EZH2: variants seen among roughly 807,000 people sequenced by gnomAD.
EZH2 encodes enhancer of zeste 2 polycomb repressive complex 2 subunit.
EZH2 carries 18 observed loss-of-function variants against 98.4 expected under a neutral mutation model. That is an observed-to-expected ratio of 0.18 (90% confidence interval 0.13 to 0.27). The LOEUF (loss-of-function observed/expected upper bound fraction) is 0.27, where lower values mean the gene tolerates loss of function less well. EZH2 is among the 10% of genes least tolerant of loss of function. EZH2 has a pLI of 1.00. For synonymous variants in EZH2, 338 were observed against 312.3 expected, an observed-to-expected ratio of 1.08 and a Z score of -0.87; for missense variants, 470 against 935.1, an observed-to-expected ratio of 0.50 and a Z score of 6.49.
At position 148,831,917 on chromosome 7, in the gene EZH2, CTA is replaced by C. The variant is rs1310547842; in HGVS notation, c.363+715_363+716del. On this transcript the variant is annotated intron_variant, in intron 4 of 19. Coordinates refer to ENST00000320356, the MANE Select transcript of EZH2 (RefSeq NM_004456.5). Reference sequence around the variant, plus strand: ...TGCTGCGTCAGAGTTAGCAATGGAACTATGTTTCAGCTCATGTTTCACAAGCC... The same window carrying C: ...TGCTGCGTCAGAGTTAGCAATGGAACTGTTTCAGCTCATGTTTCACAAGCC... Among the ~76,000 whole-genome samples, 13 of 152,184 alleles carry C rather than the reference CTA, an allele frequency of 8.5e-5. No individual in the cohort carries two copies. In the East Asian group the frequency reaches 1.5e-3, roughly 18 times the overall value.
At chr7:148,809,772 A>C (rs1211305962) in intron 17 of EZH2, among the ~76,000 whole-genome samples, 2 of 152,184 alleles carry the variant, frequency 1.3e-5, no homozygotes, top group Admixed American at 1.3e-4. Context: ...CATAGAAAAA[A>C]ACCTATTCTA....
At chr7:148,843,697 G>C (rs917341883) in intron 3 of EZH2, among the ~76,000 whole-genome samples, 1 of 133,056 alleles carries the variant, frequency 7.5e-6, no homozygotes, top group South Asian at 2.5e-4. Flanking sequence ...CCAGGTTCAC[G>C]CCATTCTCCT....
intron 1 of EZH2, among the ~76,000 whole-genome samples, chr7:148,868,716 T>C (rs1818898642): frequency 6.6e-6 from 1 of 152,180 alleles, no homozygotes. Context: ...TTTTTTTTGG[T>C]AGTCTAGATT....
chr7:148,828,647 G>T, intron 6 of EZH2, 93 bp downstream of exon 6: 1 of 1,427,490 alleles, frequency 7.0e-7, no homozygotes, highest in South Asian at 1.4e-5. Flanking sequence ...GAAAGAAAAA[G>T]AGAAAGAAGA....
chr7:148,825,543 G>A (rs1372390463), intron 8 of EZH2, among the ~76,000 whole-genome samples: 1 of 152,092 alleles, frequency 6.6e-6, no homozygotes, highest in Non-Finnish European at 1.5e-5. Flanking sequence ...AAACACTTAG[G>A]AGGAGGTGAG....
chr7:148,850,309 C>G (rs1389049055), intron 1 of EZH2: 2 of 196,198 alleles, frequency 1.0e-5, no homozygotes, highest in Non-Finnish European at 1.8e-5. Context: ...TGAGCCACTG[C>G]GCCTGGCTTA....
At chr7:148,837,083 A>T in intron 3 of EZH2, 1 of 430,364 alleles carries the variant, frequency 2.3e-6, no homozygotes, top group South Asian at 1.8e-5. Flanking sequence ...AGCTTCTTTA[A>T]ATTTCACAAC....
At position 148,842,864 on chromosome 7, in the gene EZH2, G is replaced by A. The variant is rs372072294; in HGVS notation, c.246+3606C>T. On this transcript the variant is annotated intron_variant, in intron 3 of 19. Coordinates refer to ENST00000320356, the MANE Select transcript of EZH2 (RefSeq NM_004456.5). ...ATGGATTGCTTGAGCCCAGGAGTTC[G>A]AGACCAGCCTGGAAAACATGGTATG... is the stretch of plus-strand genomic sequence containing the variant. Among the ~76,000 whole-genome samples, 21 of 152,076 alleles carry A rather than the reference G, an allele frequency of 1.4e-4. No homozygotes were observed. In the South Asian group the frequency reaches 1.7e-3, roughly 12 times the overall value.
intron 8 of EZH2, among the ~76,000 whole-genome samples, chr7:148,822,984 CA>C (rs1806606440): frequency 6.6e-6 from 1 of 151,996 alleles, no homozygotes; most frequent in Non-Finnish European, 1.5e-5. Context: ...CACTCTTCAA[CA>C]TATAGGAAGA....
At chr7:148,815,980 C>G (rs1171326806) in intron 12 of EZH2, among the ~76,000 whole-genome samples, 1 of 152,156 alleles carries the variant, frequency 6.6e-6, no homozygotes, top group Non-Finnish European at 1.5e-5. Context: ...AAAAACTTGA[C>G]TTTAAAAAAA....
chr7:148,883,554 C>CGGGGGCGTGCGCGAGGCG (rs1328157273), intron 1 of EZH2: 12 of 150,048 alleles, frequency 8.0e-5, no homozygotes, highest in Admixed American at 2.0e-4. Context: ...CGCCCGGGAC[C>CGGGGGCGTGCGCGAGGCG]GGGGGCGTGC....
intron 9 of EZH2, 131 bp downstream of exon 9, chr7:148,819,465 G>A: frequency 4.4e-6 from 3 of 677,474 alleles, no homozygotes; most frequent in Admixed American, 5.6e-5. Flanking sequence ...CAGCATGGGT[G>A]AGAAAGCTCT....
At chr7:148,822,667 C>T (rs867463372) in intron 8 of EZH2, among the ~76,000 whole-genome samples, 1 of 150,468 alleles carries the variant, frequency 6.6e-6, no homozygotes, top group Admixed American at 6.6e-5. Context: ...ATAGGCCAGG[C>T]GCAGTGGCTC....
intron 7 of EZH2, 34 bp from the exon 8 acceptor site, chr7:148,826,666 G>A: frequency 1.4e-6 from 2 of 1,422,192 alleles, no homozygotes; most frequent in Non-Finnish European, 1.9e-6. Flanking sequence ...AAGTAAACAT[G>A]AAACAAAAAT....
At chr7:148,852,127 C>T (rs1343684597) in intron 1 of EZH2, among the ~76,000 whole-genome samples, 4 of 152,130 alleles carry the variant, frequency 2.6e-5, no homozygotes, top group Non-Finnish European at 5.9e-5. Flanking sequence ...GAAACCAAAA[C>T]AACAATGGCT....
At chr7:148,842,511 C>G (rs1426786261) in intron 3 of EZH2, among the ~76,000 whole-genome samples, 1 of 152,156 alleles carries the variant, frequency 6.6e-6, no homozygotes, top group Non-Finnish European at 1.5e-5. Context: ...TCTTGACTAA[C>G]AGTGACATAT....
At chr7:148,872,048 T>C (rs1198207419) in intron 1 of EZH2, among the ~76,000 whole-genome samples, 3 of 152,176 alleles carry the variant, frequency 2.0e-5, no homozygotes, top group Admixed American at 6.5e-5. Context: ...TGGCTAACCA[T>C]GAATAGTGAA....
chr7:148,836,723 G>A (rs1811019667), intron 3 of EZH2: 1 of 397,980 alleles, frequency 2.5e-6, no homozygotes, highest in Non-Finnish European at 4.9e-6. Flanking sequence ...AAAAAAAGGG[G>A]ATGGGGGGGA....
chr7:148,835,092 A>T (rs962716436), intron 3 of EZH2, among the ~76,000 whole-genome samples: 2 of 152,214 alleles, frequency 1.3e-5, no homozygotes, highest in South Asian at 2.1e-4. Context: ...ATGGGGTAAA[A>T]TAACAATTAC....
Sources: allele counts gnomAD v4.1 joint callset (sites outside exome capture counted in the v4.1 genomes callset), GRCh38; gene constraint gnomAD v4.1.1; transcripts MANE v1.5; gene names NCBI Gene and HGNC (gene_info 2026-07-23, HGNC 2026-07-21).